SCHIP1: variants seen among roughly 807,000 people sequenced by gnomAD.
SCHIP1 encodes the protein schwannomin interacting protein 1, also known as schwannomin-interacting protein 1.
Under a neutral mutation model 29.7 loss-of-function variants are expected in SCHIP1, and 8 were observed. That is an observed-to-expected ratio of 0.27 (90% CI 0.16 to 0.49). The LOEUF (loss-of-function observed/expected upper bound fraction) is 0.49, where lower values mean the gene tolerates loss of function less well. SCHIP1 is among the 20% of genes least tolerant of loss of function. SCHIP1 has a pLI of 0.99. For synonymous variants in SCHIP1, 76 were observed against 94.9 expected (o/e 0.80, Z 1.16); for missense variants, 193 against 294.6 (o/e 0.66, Z 2.52).
At chr3:159,417,948 C>A in the SCHIP1 span, among the ~76,000 whole-genome samples, 1 of 152,144 alleles carries the variant, frequency 6.6e-6, no homozygotes, top group Non-Finnish European at 1.5e-5. Context: ...TGCCAACAGC[C>A]TGCCAACAAC....
the SCHIP1 span, chr3:159,401,207 G>C: frequency 3.2e-6 from 3 of 949,556 alleles, no homozygotes; most frequent in East Asian, 1.2e-4. Context: ...TACATGCTTT[G>C]TAATAAGTGA....
At chr3:159,365,923 G>A in the SCHIP1 span, among the ~76,000 whole-genome samples, 2 of 152,064 alleles carry the variant, frequency 1.3e-5, no homozygotes, top group Admixed American at 6.6e-5. Context: ...TCTGTACTTT[G>A]GGTTCCCAAC....
the SCHIP1 span, among the ~76,000 whole-genome samples, chr3:159,507,873 A>G: frequency 6.6e-6 from 1 of 152,198 alleles, no homozygotes; most frequent in South Asian, 2.1e-4. Context: ...GTTTGCCAGT[A>G]TTTTATTGAG....
At chr3:159,703,901 C>G in the SCHIP1 span, among the ~76,000 whole-genome samples, 1 of 152,168 alleles carries the variant, frequency 6.6e-6, no homozygotes, top group Admixed American at 6.5e-5. Context: ...TTGGTAAACT[C>G]CCTCTCATCC....
chr3:159,764,377 G>C, the SCHIP1 span: 2 of 1,504,528 alleles, frequency 1.3e-6, no homozygotes, highest in Non-Finnish European at 1.8e-6. The surrounding 1 kb of genome is among the most constrained non-coding windows in gnomAD (Gnocchi z 6.1). Flanking sequence ...CGGGGCATTT[G>C]GGGCGGGTGG....
the SCHIP1 span, chr3:159,273,864 A>G: frequency 1.3e-5 from 21 of 1,613,462 alleles, no homozygotes; most frequent in Non-Finnish European, 1.8e-5. Flanking sequence ...GACTGTGACC[A>G]GGGCAAGCAC....
At chr3:159,690,111 A>T in the SCHIP1 span, among the ~76,000 whole-genome samples, 1 of 152,220 alleles carries the variant, frequency 6.6e-6, no homozygotes, top group Non-Finnish European at 1.5e-5. Flanking sequence ...CTGGCCTCAA[A>T]AAATGAGTTA....
At chr3:159,816,854 C>T in the SCHIP1 span, among the ~76,000 whole-genome samples, 1 of 151,458 alleles carries the variant, frequency 6.6e-6, no homozygotes, top group East Asian at 1.9e-4. Flanking sequence ...AATGTTTTGT[C>T]CACTCTATCT....
the SCHIP1 span, among the ~76,000 whole-genome samples, chr3:159,745,026 C>T: frequency 6.6e-6 from 1 of 152,068 alleles, no homozygotes; most frequent in South Asian, 2.1e-4. Context: ...AGTGGGACTG[C>T]TGTGCAATCC....
At chr3:159,865,603 C>A (rs1243332948) in intron 1 of SCHIP1, among the ~76,000 whole-genome samples, 1 of 152,220 alleles carries the variant, frequency 6.6e-6, no homozygotes, top group Non-Finnish European at 1.5e-5. Context: ...CAGTCCCCAA[C>A]AAGACTGTAA....
the SCHIP1 span, among the ~76,000 whole-genome samples, chr3:159,331,441 G>T: frequency 6.6e-5 from 10 of 152,188 alleles, no homozygotes; most frequent in African/African-American, 1.4e-4. Context: ...AGGCCAAAGG[G>T]ATATAGGTGA....
the SCHIP1 span, among the ~76,000 whole-genome samples, chr3:159,752,366 A>AT: frequency 2.6e-5 from 4 of 152,216 alleles, no homozygotes; most frequent in African/African-American, 9.6e-5. Context: ...TAACCATTTA[A>AT]TTTTTTTAAT....
At chr3:159,325,388 C>G in the SCHIP1 span, among the ~76,000 whole-genome samples, 3 of 152,098 alleles carry the variant, frequency 2.0e-5, no homozygotes, top group Non-Finnish European at 4.4e-5. Flanking sequence ...ACACCACAAT[C>G]TTTGATATTT....
the SCHIP1 span, among the ~76,000 whole-genome samples, chr3:159,665,404 T>C: frequency 6.6e-6 from 1 of 152,156 alleles, no homozygotes; most frequent in Non-Finnish European, 1.5e-5. Flanking sequence ...AAGCAGAACT[T>C]GGTCTCTTCT....
chr3:159,442,979 G>C, the SCHIP1 span, among the ~76,000 whole-genome samples: 1 of 152,174 alleles, frequency 6.6e-6, no homozygotes, highest in Non-Finnish European at 1.5e-5. Flanking sequence ...GGGAGACTTA[G>C]CTGTTACATT....
chr3:159,556,669 C>CA, the SCHIP1 span, among the ~76,000 whole-genome samples: 1 of 147,658 alleles, frequency 6.8e-6, no homozygotes, highest in Admixed American at 6.9e-5. Flanking sequence ...ATCGCAAGGA[C>CA]AAAAAACCAA....
At chr3:159,432,888 T>C in the SCHIP1 span, among the ~76,000 whole-genome samples, 1 of 152,262 alleles carries the variant, frequency 6.6e-6, no homozygotes, top group East Asian at 1.9e-4. Context: ...TCCTCTTTGA[T>C]GTAGTATGTT....
At chr3:159,779,995 A>G in the SCHIP1 span, among the ~76,000 whole-genome samples, 1 of 152,044 alleles carries the variant, frequency 6.6e-6, no homozygotes, top group East Asian at 1.9e-4. Context: ...GGGTTTTGGT[A>G]CCCAGCATGA....
chr3:159,565,853 C>T, the SCHIP1 span, among the ~76,000 whole-genome samples: 1 of 152,052 alleles, frequency 6.6e-6, no homozygotes, highest in Non-Finnish European at 1.5e-5. Flanking sequence ...CATTTATATT[C>T]CCAGCATTCT....
Sources: allele counts gnomAD v4.1 joint callset (sites outside exome capture counted in the v4.1 genomes callset), GRCh38; gene constraint gnomAD v4.1.1; non-coding constraint Gnocchi (gnomAD v3.1); transcripts MANE v1.5; gene names NCBI Gene and HGNC (gene_info 2026-07-23, HGNC 2026-07-21).